The following MAST4 variants were observed in gnomAD, a reference collection of about 807,000 sequenced individuals.
The protein encoded by MAST4 is microtubule-associated serine/threonine-protein kinase 4.
In MAST4, 89 loss-of-function variants were observed where a neutral mutation model predicts 162.7. The ratio of observed to expected loss-of-function variants is 0.55; its 90% CI spans 0.46 to 0.65. The LOEUF (loss-of-function observed/expected upper bound fraction) is 0.65. MAST4 is among the 30% of genes least tolerant of loss of function. MAST4 has a pLI of 0.00. For synonymous variants in MAST4, 1,479 were observed against 1,361.1 expected, an observed-to-expected ratio of 1.09 and a Z score of -1.91; for missense variants, 3,153 against 3,374.0, an observed-to-expected ratio of 0.93 and a Z score of 1.62.
intron 3 of MAST4, among the ~76,000 whole-genome samples, chr5:66,827,376 G>A (rs564792826): frequency 3.3e-4 from 50 of 152,286 alleles, no homozygotes; most frequent in African/African-American, 1.2e-3. Context: ...ACCCTTCTCT[G>A]CTGGGGTGGC....
intron 5 of MAST4, among the ~76,000 whole-genome samples, chr5:67,055,549 G>A (rs1758693769): frequency 6.6e-6 from 1 of 152,200 alleles, no homozygotes; most frequent in African/African-American, 2.4e-5. Flanking sequence ...GGAGAGAAAA[G>A]TAGTTGCTCC....
chr5:66,833,749 TTTTA>T (rs1339122884), intron 3 of MAST4, among the ~76,000 whole-genome samples: 2 of 152,238 alleles, frequency 1.3e-5, no homozygotes, highest in African/African-American at 2.4e-5. Context: ...ATAGTCATGA[TTTTA>T]TTTGTTTGCA....
At chr5:66,893,333 G>C (rs1762476137) in intron 3 of MAST4, among the ~76,000 whole-genome samples, 1 of 152,022 alleles carries the variant, frequency 6.6e-6, no homozygotes, top group Non-Finnish European at 1.5e-5. Context: ...AGCCTCCTGA[G>C]TAGCTGGGAC....
chr5:66,673,788 T>A lies in MAST4; in HGVS notation c.363+76770T>A, dbSNP rs563530199. On this transcript the variant is annotated intron_variant, in intron 1 of 28. Coordinates refer to ENST00000403625, the MANE Select transcript of MAST4 (RefSeq NM_001164664.2). ...TAGGCGTGAGCCACTGCACCTTGCC[T>A]AGGCTAGATTTTTTTTGAAAGATCT... 7.2e-5 allele frequency among the ~76,000 whole-genome samples: 11 copies of A among 152,332 alleles called. No individual in the cohort carries two copies. The South Asian group carries it at 2.1e-3, about 29-fold the overall frequency.
At chr5:66,876,752 C>T (rs1297651753) in intron 3 of MAST4, among the ~76,000 whole-genome samples, 1 of 152,136 alleles carries the variant, frequency 6.6e-6, no homozygotes, top group African/African-American at 2.4e-5. Context: ...GGCGTGTACC[C>T]AGGTGCCTTT....
intron 1 of MAST4, among the ~76,000 whole-genome samples, chr5:66,748,715 C>A (rs181626853): frequency 6.6e-6 from 1 of 151,872 alleles, no homozygotes; most frequent in Non-Finnish European, 1.5e-5. Flanking sequence ...GTCTCGATCT[C>A]TTGACCTCAT....
chr5:66,696,665 G>A (rs1749423252), intron 1 of MAST4, among the ~76,000 whole-genome samples: 1 of 152,100 alleles, frequency 6.6e-6, no homozygotes, highest in Non-Finnish European at 1.5e-5. Context: ...GGTTCTCAAA[G>A]TGTGGTGGGT....
intron 5 of MAST4, among the ~76,000 whole-genome samples, chr5:67,077,806 G>A (rs947748933): frequency 3.3e-5 from 5 of 152,086 alleles, no homozygotes; most frequent in Admixed American, 2.6e-4. Flanking sequence ...AACCATAAAA[G>A]TACTAGGAAA....
intron 4 of MAST4, among the ~76,000 whole-genome samples, chr5:67,011,380 C>T (rs1001714182): frequency 1.6e-4 from 24 of 152,330 alleles, no homozygotes; most frequent in African/African-American, 4.1e-4. Context: ...AGGCCTGTTT[C>T]GTAGTTGCTT....
chr5:66,895,100 C>T (rs549568303), intron 3 of MAST4, among the ~76,000 whole-genome samples: 73 of 152,286 alleles, frequency 4.8e-4, no homozygotes, highest in Non-Finnish European at 7.3e-4. Flanking sequence ...GGTTCCTGCC[C>T]ACTTTCTGAC....
intron 4 of MAST4, among the ~76,000 whole-genome samples, chr5:66,965,139 T>C (rs1746539620): frequency 6.6e-6 from 1 of 151,734 alleles, no homozygotes; most frequent in East Asian, 1.9e-4. Flanking sequence ...ACTTTCAACA[T>C]GAGAGTTTTG....
chr5:66,901,600 A>G (rs1453324695), intron 4 of MAST4, among the ~76,000 whole-genome samples: 3 of 152,164 alleles, frequency 2.0e-5, no homozygotes. Context: ...TCTGAATTAC[A>G]TCAGAGCCAT....
intron 1 of MAST4, among the ~76,000 whole-genome samples, chr5:66,698,745 A>G (rs765856411): frequency 5.3e-5 from 8 of 152,100 alleles, no homozygotes; most frequent in Admixed American, 1.3e-4. Context: ...CCCATCTCAT[A>G]AATGGCACCA....
chr5:66,848,831 A>G (rs1380752009), intron 3 of MAST4, among the ~76,000 whole-genome samples: 9 of 152,140 alleles, frequency 5.9e-5, no homozygotes, highest in Admixed American at 5.2e-4. Flanking sequence ...GCCAGACCAC[A>G]TGTATGTCTG....
chr5:66,980,929 C>T (rs1321724713), intron 4 of MAST4, among the ~76,000 whole-genome samples: 3 of 152,148 alleles, frequency 2.0e-5, no homozygotes, highest in African/African-American at 4.8e-5. Context: ...TAACAAGTCA[C>T]CCCCTCTTAC....
At chr5:67,135,782 A>G (rs1326836743) in intron 18 of MAST4, among the ~76,000 whole-genome samples, 1 of 152,222 alleles carries the variant, frequency 6.6e-6, no homozygotes, top group Non-Finnish European at 1.5e-5. Context: ...GCTCAGATGC[A>G]TATTCATGTT....
chr5:66,715,245 A>G (rs1358352409), intron 1 of MAST4, among the ~76,000 whole-genome samples: 1 of 152,212 alleles, frequency 6.6e-6, no homozygotes. Flanking sequence ...AGATTGTTGT[A>G]TAGAGGGCAT....
At chr5:67,154,031 A>G (rs1772175249) in intron 26 of MAST4, among the ~76,000 whole-genome samples, 1 of 152,236 alleles carries the variant, frequency 6.6e-6, no homozygotes, top group South Asian at 2.1e-4. Flanking sequence ...ATACACATGT[A>G]CTATAAATTA....
At chr5:66,831,656 TA>T (rs1223657228) in intron 3 of MAST4, among the ~76,000 whole-genome samples, 4 of 152,236 alleles carry the variant, frequency 2.6e-5, no homozygotes, top group African/African-American at 4.8e-5. Flanking sequence ...TTGTTCATCT[TA>T]AGTGACTGCA....
Sources: gnomAD v4.1 joint callset for allele counts (sites outside exome capture counted in the v4.1 genomes callset) on GRCh38, gnomAD v4.1.1 for gene constraint, MANE v1.5 for transcripts, NCBI Gene and HGNC (gene_info 2026-07-23, HGNC 2026-07-21) for gene names.